LINGO2: variants seen among roughly 807,000 people sequenced by gnomAD.
LINGO2 encodes the protein leucine-rich repeat and immunoglobulin-like domain-containing nogo receptor-interacting protein 2.
In LINGO2, 14 loss-of-function variants were observed where a neutral mutation model predicts 30.6. The observed-to-expected ratio is 0.46, with a 90% confidence interval of 0.30 to 0.72. LINGO2 has a LOEUF of 0.72. Among genes scored for constraint, LINGO2 ranks in the 30% least tolerant of loss-of-function variants. The pLI is 0.07. For missense variants in LINGO2, 729 were observed against 751.7 expected, an observed-to-expected ratio of 0.97 and a Z score of 0.35; for synonymous variants, 317 against 288.5, an observed-to-expected ratio of 1.10 and a Z score of -1.00.
chr9:28,803,411 G>C, the LINGO2 span, among the ~76,000 whole-genome samples: 2 of 151,790 alleles, frequency 1.3e-5, no homozygotes, highest in Non-Finnish European at 2.9e-5. Flanking sequence ...AACAATATTT[G>C]AAAGCCACTG....
chr9:28,404,763 T>A (rs1039021417), intron 2 of LINGO2, among the ~76,000 whole-genome samples: 2 of 152,176 alleles, frequency 1.3e-5, no homozygotes, highest in African/African-American at 2.4e-5. Flanking sequence ...GTGTAATCAT[T>A]TTTTGCCACT....
intron 1 of LINGO2, among the ~76,000 whole-genome samples, chr9:28,571,823 C>T (rs530804747): frequency 5.3e-5 from 8 of 152,018 alleles, no homozygotes; most frequent in South Asian, 2.1e-4. Flanking sequence ...GACAATGTTC[C>T]GAACATCATG....
intron 1 of LINGO2, among the ~76,000 whole-genome samples, chr9:28,504,213 T>A (rs1435398199): frequency 6.6e-6 from 1 of 151,912 alleles, no homozygotes; most frequent in Non-Finnish European, 1.5e-5. Flanking sequence ...ACAATCATAC[T>A]TCCATCATTT....
intron 1 of LINGO2, among the ~76,000 whole-genome samples, chr9:28,564,579 G>C (rs1293626374): frequency 1.3e-5 from 2 of 152,030 alleles, no homozygotes; most frequent in Non-Finnish European, 2.9e-5. Context: ...CTGCCTTAAA[G>C]CATTTATGCT....
At chr9:28,296,272 C>T (rs1020013845) in intron 3 of LINGO2, among the ~76,000 whole-genome samples, 7 of 152,138 alleles carry the variant, frequency 4.6e-5, no homozygotes, top group African/African-American at 1.7e-4. Context: ...TATTAATGAA[C>T]AGAAATGCTC....
the LINGO2 span, among the ~76,000 whole-genome samples, chr9:29,117,402 C>A: frequency 1.3e-5 from 2 of 152,184 alleles, no homozygotes; most frequent in East Asian, 3.8e-4. Flanking sequence ...CACATAATGT[C>A]ACTGAACACA....
At chr9:28,909,447 T>A in the LINGO2 span, among the ~76,000 whole-genome samples, 1 of 151,968 alleles carries the variant, frequency 6.6e-6, no homozygotes, top group Admixed American at 6.6e-5. Flanking sequence ...GTAATAGGTT[T>A]TTTAAAAATA....
chr9:28,994,713 C>T, the LINGO2 span, among the ~76,000 whole-genome samples: 3 of 151,940 alleles, frequency 2.0e-5, no homozygotes, highest in Non-Finnish European at 2.9e-5. Flanking sequence ...GAAATAGCGC[C>T]GCATATCTGC....
chr9:28,042,989 G>GAC (rs1281048325), intron 4 of LINGO2, among the ~76,000 whole-genome samples: 1 of 152,134 alleles, frequency 6.6e-6, no homozygotes, highest in Non-Finnish European at 1.5e-5. Flanking sequence ...CACTTTAAGG[G>GAC]TCTAATGCAA....
chr9:28,520,771 T>C lies in LINGO2; in HGVS notation c.-364-44746A>G, dbSNP rs566930398. Among the ~76,000 whole-genome samples the C allele has an allele frequency of 2.3e-4, 35 of 152,334 alleles. No homozygotes were observed. The South Asian group carries it at 6.8e-3, about 30-fold the overall frequency. On this transcript the variant is annotated intron_variant, in intron 1 of 5. Coordinates refer to ENST00000379992, the Ensembl canonical transcript of LINGO2. ...CAGCTACTATAGTAAGGAAGTAGTA[T>C]ATACTATATTTTTACATTTAGTAAC...
intron 4 of LINGO2, among the ~76,000 whole-genome samples, chr9:28,227,233 C>A (rs1241589051): frequency 6.6e-6 from 1 of 152,000 alleles, no homozygotes; most frequent in Non-Finnish European, 1.5e-5. Flanking sequence ...GAAGTAAAAT[C>A]CAGACATCCC....
chr9:28,776,476 C>T, the LINGO2 span, among the ~76,000 whole-genome samples: 2 of 152,282 alleles, frequency 1.3e-5, no homozygotes, highest in Non-Finnish European at 2.9e-5. Flanking sequence ...AGAAAGTTTA[C>T]TCAAATTCAA....
the LINGO2 span, among the ~76,000 whole-genome samples, chr9:28,715,006 CT>C: frequency 6.6e-6 from 1 of 152,036 alleles, no homozygotes. Context: ...CCATCTGTAT[CT>C]TTTGTATTTT....
chr9:28,493,136 T>C (rs988870311), intron 1 of LINGO2, among the ~76,000 whole-genome samples: 3 of 152,130 alleles, frequency 2.0e-5, no homozygotes, highest in African/African-American at 7.2e-5. Flanking sequence ...TCCTATTTTA[T>C]TTCCAGGCGA....
chr9:28,060,455 ATAAG>A (rs754537934), intron 4 of LINGO2, among the ~76,000 whole-genome samples: 1 of 152,142 alleles, frequency 6.6e-6, no homozygotes, highest in Non-Finnish European at 1.5e-5. Context: ...TTAATCTTTC[ATAAG>A]TAAGATTTTT....
intron 4 of LINGO2, among the ~76,000 whole-genome samples, chr9:28,283,592 A>G (rs1823402427): frequency 6.6e-6 from 1 of 152,060 alleles, no homozygotes; most frequent in Non-Finnish European, 1.5e-5. Flanking sequence ...TATTATGAAA[A>G]CTCACAGATT....
intron 5 of LINGO2, among the ~76,000 whole-genome samples, chr9:28,001,491 G>C (rs1258509512): frequency 1.3e-5 from 2 of 152,256 alleles, no homozygotes; most frequent in East Asian, 3.9e-4. Flanking sequence ...GGCCCAGAAA[G>C]TGTGCAAAAT....
chr9:28,068,867 A>G (rs550933366), intron 4 of LINGO2, among the ~76,000 whole-genome samples: 70 of 152,268 alleles, frequency 4.6e-4, no homozygotes, highest in African/African-American at 1.6e-3. Flanking sequence ...CATTCATGCA[A>G]AATTTTGACA....
chr9:28,353,413 C>T (rs1404563748), intron 3 of LINGO2, among the ~76,000 whole-genome samples: 1 of 151,042 alleles, frequency 6.6e-6, no homozygotes, highest in Non-Finnish European at 1.5e-5. Flanking sequence ...TGCTCATCAT[C>T]ACTGGCCATC....
Sources: allele counts gnomAD v4.1 joint callset (sites outside exome capture counted in the v4.1 genomes callset), GRCh38; gene constraint gnomAD v4.1.1; transcripts MANE v1.5; gene names NCBI Gene and HGNC (gene_info 2026-07-23, HGNC 2026-07-21).